CDK14: variants seen among roughly 807,000 people sequenced by gnomAD.
CDK14 encodes the protein cyclin dependent kinase 14.
In CDK14, 34 loss-of-function variants were observed where a neutral mutation model predicts 60.7. That is an observed-to-expected ratio of 0.56 (90% CI 0.43 to 0.75). CDK14 has a LOEUF of 0.75. Ranked by LOEUF, CDK14 falls within the 30% of genes least tolerant of loss-of-function variation. The probability of loss-of-function intolerance (pLI) is 0.00; values close to 1 mark genes in which losing one functional copy is unlikely to be tolerated. For missense variants in CDK14, 482 were observed against 564.1 expected (o/e 0.85, Z 1.47); for synonymous variants, 197 against 203.7 (o/e 0.97, Z 0.28).
intron 2 of CDK14, among the ~76,000 whole-genome samples, chr7:90,685,579 A>G (rs996642725): frequency 2.0e-5 from 3 of 151,618 alleles, no homozygotes; most frequent in African/African-American, 7.3e-5. Flanking sequence ...CCTGGACTCA[A>G]GTGATCCTCC....
chr7:91,206,274 G>C (rs1802895322), intron 14 of CDK14, among the ~76,000 whole-genome samples: 1 of 152,174 alleles, frequency 6.6e-6, no homozygotes, highest in Admixed American at 6.5e-5. Context: ...GCACCATCCA[G>C]GGTTCCCCCT....
intron 3 of CDK14, among the ~76,000 whole-genome samples, chr7:90,732,283 A>T (rs1802898275): frequency 6.6e-6 from 1 of 152,022 alleles, no homozygotes; most frequent in Non-Finnish European, 1.5e-5. Context: ...TTCATCAGGG[A>T]TATTGGCTTG....
intron 5 of CDK14, among the ~76,000 whole-genome samples, chr7:90,834,882 G>T (rs1790038546): frequency 6.6e-6 from 1 of 152,170 alleles, no homozygotes; most frequent in South Asian, 2.1e-4. Flanking sequence ...TGATGTATAA[G>T]GCTGGTGCTC....
At chr7:90,972,927 A>T (rs1044768375) in intron 9 of CDK14, among the ~76,000 whole-genome samples, 6 of 152,214 alleles carry the variant, frequency 3.9e-5, no homozygotes, top group African/African-American at 1.4e-4. Context: ...ATACCCAGTA[A>T]TTAGAATCTG....
At chr7:90,732,608 A>T (rs1802914293) in intron 3 of CDK14, among the ~76,000 whole-genome samples, 2 of 152,064 alleles carry the variant, frequency 1.3e-5, no homozygotes, top group South Asian at 4.1e-4. Context: ...TTTCTTCTAG[A>T]TTTTTTAGTT....
At chr7:90,673,660 A>G (rs1489345702) in intron 2 of CDK14, among the ~76,000 whole-genome samples, 1 of 152,214 alleles carries the variant, frequency 6.6e-6, no homozygotes, top group Non-Finnish European at 1.5e-5. Flanking sequence ...TCAGTATGAT[A>G]AATATTCCAA....
At chr7:91,169,062 G>A (rs1387779785) in intron 14 of CDK14, among the ~76,000 whole-genome samples, 1 of 152,096 alleles carries the variant, frequency 6.6e-6, no homozygotes, top group Non-Finnish European at 1.5e-5. Context: ...TTCATCTTGT[G>A]GATAATAAAT....
At chr7:90,728,419 T>C (rs1172297508) in intron 3 of CDK14, among the ~76,000 whole-genome samples, 1 of 152,024 alleles carries the variant, frequency 6.6e-6, no homozygotes, top group African/African-American at 2.4e-5. Flanking sequence ...TTTTCCTACC[T>C]TCTGGGTTTT....
intron 3 of CDK14, among the ~76,000 whole-genome samples, chr7:90,746,519 A>G (rs1219321202): frequency 6.6e-6 from 1 of 152,222 alleles, no homozygotes; most frequent in Middle Eastern, 3.2e-3. Flanking sequence ...AATTATATGT[A>G]TATTTATATT....
chr7:90,729,454 C>A (rs1802776847), intron 3 of CDK14, among the ~76,000 whole-genome samples: 1 of 135,726 alleles, frequency 7.4e-6, no homozygotes, highest in African/African-American at 2.7e-5. Context: ...CTCTAGTGTT[C>A]TCTTTACTCA....
chr7:91,152,698 C>T (rs1233557064), intron 14 of CDK14, among the ~76,000 whole-genome samples: 1 of 152,100 alleles, frequency 6.6e-6, no homozygotes, highest in East Asian at 1.9e-4. Flanking sequence ...GCAAGAGAGA[C>T]ATGCATGTAA....
intron 8 of CDK14, among the ~76,000 whole-genome samples, chr7:90,938,510 C>G (rs1401218896): frequency 1.3e-5 from 2 of 152,068 alleles, no homozygotes; most frequent in Non-Finnish European, 2.9e-5. Context: ...AAACTCAACC[C>G]AAATTTATTA....
chr7:90,997,198 C>T (rs1204816968), intron 10 of CDK14, among the ~76,000 whole-genome samples: 2 of 152,158 alleles, frequency 1.3e-5, no homozygotes, highest in Non-Finnish European at 2.9e-5. Context: ...AGCTGTTTTG[C>T]TCTTATTCTC....
chr7:90,850,483 G>C (rs140627621), intron 5 of CDK14, among the ~76,000 whole-genome samples: 94 of 152,300 alleles, frequency 6.2e-4, no homozygotes, highest in African/African-American at 2.1e-3. Context: ...ACACTGCTGA[G>C]AGAAGGTTAG....
intron 4 of CDK14, among the ~76,000 whole-genome samples, chr7:90,764,878 T>C (rs1013979843): frequency 1.3e-5 from 2 of 152,222 alleles, no homozygotes; most frequent in Admixed American, 1.3e-4. Context: ...GCAAGCATTG[T>C]CTGAGCTGAG....
intron 6 of CDK14, among the ~76,000 whole-genome samples, chr7:90,885,307 C>T (rs780231828): frequency 2.6e-5 from 4 of 152,084 alleles, no homozygotes; most frequent in Admixed American, 6.5e-5. Context: ...GACATTTACA[C>T]GACCAACAAA....
chr7:90,786,204 C>T (rs1396945732), intron 4 of CDK14, among the ~76,000 whole-genome samples: 1 of 152,170 alleles, frequency 6.6e-6, no homozygotes. Context: ...AAAGCAACTA[C>T]AGGCAAATTT....
At chr7:90,785,189 T>G (rs1405487209) in intron 4 of CDK14, among the ~76,000 whole-genome samples, 1 of 152,240 alleles carries the variant, frequency 6.6e-6, no homozygotes, top group Non-Finnish European at 1.5e-5. Context: ...AAATTTATTT[T>G]GGGTATATTG....
intron 3 of CDK14, among the ~76,000 whole-genome samples, chr7:90,742,088 C>CGT (rs1683358628): frequency 6.6e-6 from 1 of 151,864 alleles, no homozygotes; most frequent in African/African-American, 2.4e-5. Flanking sequence ...GTTTGTGATA[C>CGT]TTGGCCTTTT....
Sources: allele counts gnomAD v4.1 joint callset (sites outside exome capture counted in the v4.1 genomes callset), GRCh38; gene constraint gnomAD v4.1.1; transcripts MANE v1.5; gene names NCBI Gene and HGNC (gene_info 2026-07-23, HGNC 2026-07-21).